The following ATP6V1B1 variants were observed in gnomAD, a reference collection of about 807,000 sequenced individuals.
The protein encoded by ATP6V1B1 is V-type proton ATPase subunit B, kidney isoform.
Under a neutral mutation model 62.1 loss-of-function variants are expected in ATP6V1B1, and 41 were observed. The ratio of observed to expected loss-of-function variants is 0.66; its 90% CI spans 0.51 to 0.86. The LOEUF is 0.86. ATP6V1B1 is among the 40% of genes least tolerant of loss of function. The probability of loss-of-function intolerance (pLI) is 0.00; values close to 1 mark genes in which losing one functional copy is unlikely to be tolerated. For missense variants in ATP6V1B1, 651 were observed against 697.5 expected (o/e 0.93, Z 0.75); for synonymous variants, 253 against 273.4 (o/e 0.93, Z 0.74).
chr2:70,952,409 G>A (rs1413995883), intron 2 of ATP6V1B1, among the ~76,000 whole-genome samples: 3 of 151,522 alleles, frequency 2.0e-5, no homozygotes, highest in Non-Finnish European at 1.5e-5. Flanking sequence ...GTTGCAGTGA[G>A]CCGAGATCTC....
At chr2:70,962,947 A>C in intron 9 of ATP6V1B1, 47 bp downstream of exon 9, 1 of 1,612,108 alleles carries the variant, frequency 6.2e-7, no homozygotes, top group South Asian at 1.1e-5. Flanking sequence ...ACCCCTCCCT[A>C]AGCCTGACAC....
intron 2 of ATP6V1B1, 107 bp from the exon 3 acceptor site, chr2:70,957,939 A>G (rs571463606): frequency 9.9e-7 from 1 of 1,013,174 alleles, no homozygotes; most frequent in East Asian, 2.6e-5. Context: ...GTGTCTGGAC[A>G]CTAGAGGGGA....
intron 2 of ATP6V1B1, among the ~76,000 whole-genome samples, chr2:70,953,107 C>G (rs1466293217): frequency 6.6e-6 from 1 of 152,184 alleles, no homozygotes; most frequent in Non-Finnish European, 1.5e-5. Context: ...GCTGGGATTA[C>G]AGGCACCCAC....
At chr2:70,960,853 G>C (rs1204661365) in intron 6 of ATP6V1B1, 68 bp from the exon 7 acceptor site, 2 of 1,378,082 alleles carry the variant, frequency 1.5e-6, no homozygotes, top group African/African-American at 1.5e-5. Flanking sequence ...CCATGAGCCA[G>C]TGGTGCTCAG....
In ATP6V1B1 at chr2:70,963,456, A is replaced by C; in HGVS notation, c.1061-116A>C. Reference sequence around the variant, plus strand: ...GATAGACACTGCCCTTTCCTCCACCATCCATGCCCCCCACACATCCCTATC... The same window carrying C: ...GATAGACACTGCCCTTTCCTCCACCCTCCATGCCCCCCACACATCCCTATC... On this transcript the variant is annotated intron_variant, in intron 10 of 13. Coordinates refer to ENST00000234396, the MANE Select transcript of ATP6V1B1 (RefSeq NM_001692.4). This position sits in a 1 kb window ranked among gnomAD's most constrained non-coding sequence, Gnocchi z 4.3. 1 of 1,518,058 alleles carries C rather than the reference A, an allele frequency of 6.6e-7. No individual in the cohort carries two copies. The highest frequency in any genetic ancestry group is 9.1e-7 in the Non-Finnish European group (1 of 1,098,406). 94.0% of individuals were successfully genotyped at this position (1,518,058 alleles called of 1,614,324 possible).
At position 70,963,321 on chromosome 2, in the gene ATP6V1B1, C is replaced by T; in HGVS notation, c.1060+9C>T. The stretch of plus-strand genomic sequence containing the variant: ...CACCATGCCCAACGACGGTAGCCTC[C>T]TCACAGCCCACTACCCTCCAGAGCT... On this transcript the variant is annotated intron_variant, in intron 10 of 13. Coordinates refer to ENST00000234396, the MANE Select transcript of ATP6V1B1 (RefSeq NM_001692.4). This position sits in a 1 kb window ranked among gnomAD's most constrained non-coding sequence, Gnocchi z 4.3. The T allele has an allele frequency of 6.2e-7, 1 of 1,612,710 alleles. No homozygotes were observed. The highest frequency in any genetic ancestry group is 8.5e-7 in the Non-Finnish European group (1 of 1,180,030).
intron 2 of ATP6V1B1, among the ~76,000 whole-genome samples, chr2:70,954,735 A>G (rs1553418766): frequency 6.6e-6 from 1 of 152,072 alleles, no homozygotes; most frequent in African/African-American, 2.4e-5. Flanking sequence ...CTCTCACCTC[A>G]GCCTCCCAAA....
chr2:70,936,329 A>G (rs558830593), intron 1 of ATP6V1B1, among the ~76,000 whole-genome samples: 3 of 152,170 alleles, frequency 2.0e-5, no homozygotes, highest in Non-Finnish European at 2.9e-5. Context: ...CATCAGCCCA[A>G]TCCTGCTGTA....
At position 70,951,539 on chromosome 2, in the gene ATP6V1B1, C is replaced by A. The variant is rs192785307; in HGVS notation, c.175-6507C>A. Among the ~76,000 whole-genome samples the A allele has an allele frequency of 3.9e-5, 6 of 152,166 alleles. No individual in the cohort carries two copies. The East Asian group carries it at 1.2e-3, about 29-fold the overall frequency. Reference sequence around the variant, plus strand: ...ATAATCTGGAACATTTTCCCACAGCCCTTCTTTGACTTCCCACAGCCTTTC... The same window carrying A: ...ATAATCTGGAACATTTTCCCACAGCACTTCTTTGACTTCCCACAGCCTTTC... On this transcript the variant is annotated intron_variant, in intron 2 of 13. Transcript: ENST00000234396.
Position 70,961,000 on chromosome 2 carries a change from C to G in ATP6V1B1, c.665C>G (p.Ala222Gly). The part of the protein sequence containing the change: ...AVLDYHDDNF[A>G]IVFAAMGVNM... ...CTGGATTACCATGACGACAACTTCG[C>G]CATCGTCTTTGCAGCCATGGGGGTG... The change falls in exon 7 of 14, where the codon GCC becomes GGC. Residue 222 changes from alanine (A) to glycine (G), a missense_variant. By Grantham distance (60) the Ala-to-Gly change is moderately conservative (BLOSUM62 0). Transcript: ENST00000234396. 6.3e-7 allele frequency: 1 copy of G among 1,597,214 alleles called. No individual in the cohort carries two copies. Among genetic ancestry groups the G allele is most frequent in the Non-Finnish European group, 8.5e-7 (1 of 1,171,860 alleles).
chr2:70,964,308 G>C, intron 11 of ATP6V1B1, 130 bp from the exon 12 acceptor site: 1 of 885,788 alleles, frequency 1.1e-6, no homozygotes, highest in Non-Finnish European at 1.9e-6. Context: ...GGAGATAAGA[G>C]AGGGTGGGTG....
At chr2:70,951,480 A>C (rs1680322075) in intron 2 of ATP6V1B1, among the ~76,000 whole-genome samples, 1 of 152,056 alleles carries the variant, frequency 6.6e-6, no homozygotes, top group African/African-American at 2.4e-5. Context: ...GTCTAGGGTC[A>C]GGTATTGCAT....
chr2:70,959,778 A>T lies in ATP6V1B1; in HGVS notation c.446-161A>T, dbSNP rs1282920080. Among the ~76,000 whole-genome samples the T allele has an allele frequency of 2.0e-5, 3 of 152,232 alleles. No homozygotes were observed. The highest frequency in any genetic ancestry group is 2.9e-5 in the Non-Finnish European group (2 of 68,044). The stretch of plus-strand genomic sequence containing the variant: ...GTCACACGTCATGTGCTCAATAGCC[A>T]TTTGTATCTAGGGCTACATCAGGCA... On this transcript the variant is annotated intron_variant, in intron 5 of 13. Coordinates refer to ENST00000234396, the MANE Select transcript of ATP6V1B1 (RefSeq NM_001692.4). This position sits in a 1 kb window ranked among gnomAD's most constrained non-coding sequence, Gnocchi z 4.2.
chr2:70,962,712 C>T, intron 8 of ATP6V1B1, 65 bp from the exon 9 acceptor site: 1 of 1,605,566 alleles, frequency 6.2e-7, no homozygotes, highest in East Asian at 2.2e-5. Flanking sequence ...TGCGCTCAGC[C>T]CCCAGGCTAT....
intron 2 of ATP6V1B1, chr2:70,957,803 G>A (rs1003284106): frequency 3.5e-5 from 19 of 542,058 alleles, no homozygotes; most frequent in South Asian, 3.0e-4. Context: ...CTTCCACAAG[G>A]TCAGGCAGCT....
intron 1 of ATP6V1B1, chr2:70,939,694 GGCAGA>G (rs1679941874): frequency 6.6e-6 from 1 of 152,298 alleles, no homozygotes; most frequent in South Asian, 2.1e-4. Context: ...ACAGGGGAGA[GGCAGA>G]GCTCTAAGAC....
intron 2 of ATP6V1B1, among the ~76,000 whole-genome samples, chr2:70,950,594 A>T (rs1399997303): frequency 6.6e-6 from 1 of 151,876 alleles, no homozygotes; most frequent in Non-Finnish European, 1.5e-5. Flanking sequence ...ACTGGTTACT[A>T]CTAAAATAGA....
At chr2:70,961,196 G>T in intron 7 of ATP6V1B1, 174 bp downstream of exon 7, 1 of 736,714 alleles carries the variant, frequency 1.4e-6, no homozygotes, top group Non-Finnish European at 2.4e-6. Context: ...TGTCCCAAAG[G>T]CAATCACAGT....
At chr2:70,942,382 T>C (rs782006351) in intron 1 of ATP6V1B1, 26 of 398,538 alleles carry the variant, frequency 6.5e-5, no homozygotes, top group Non-Finnish European at 1.0e-4. Context: ...AGGATCCTTA[T>C]AAAAATCTGT....
Sources: gnomAD v4.1 joint callset for allele counts (sites outside exome capture counted in the v4.1 genomes callset) on GRCh38, gnomAD v4.1.1 for gene constraint, Gnocchi (gnomAD v3.1) non-coding constraint, MANE v1.5 for transcripts, NCBI Gene and HGNC (gene_info 2026-07-23, HGNC 2026-07-21) for gene names.